The following LMAN1 variants were observed in gnomAD, a reference collection of about 807,000 sequenced individuals.
The protein encoded by LMAN1 is protein ERGIC-53.
In LMAN1, 32 loss-of-function variants were observed where a neutral mutation model predicts 67.8. That is an observed-to-expected ratio of 0.47 (90% CI 0.36 to 0.63). The LOEUF is 0.63. Ranked by LOEUF, LMAN1 falls within the 30% of genes least tolerant of loss-of-function variation. The pLI, the probability that LMAN1 is intolerant of heterozygous loss-of-function variation, is 0.00. For missense variants in LMAN1, 632 were observed against 628.2 expected (o/e 1.01, Z -0.06); for synonymous variants, 235 against 219.3 (o/e 1.07, Z -0.63).
At chr18:59,353,340 G>A (rs1908588457) in intron 4 of LMAN1, 39 bp from the exon 5 acceptor site, 1 of 1,396,656 alleles carries the variant, frequency 7.2e-7, no homozygotes, top group Admixed American at 1.7e-5. Context: ...AAGACACTCA[G>A]CTTTTCAATA....
rs190950830 is a variant in LMAN1 at position 59,329,922 on chromosome 18, A to G, written c.*1171T>C. The G allele has an allele frequency of 2.6e-5, 4 of 152,308 alleles. No homozygotes were observed. Among genetic ancestry groups the G allele is most frequent in the Admixed American group, 2.6e-4 (4 of 15,298 alleles). The allele number at this position is 152,308 out of a possible 1,614,324, so 9.4% of individuals were successfully genotyped here. On this transcript the variant is annotated 3_prime_UTR_variant, in exon 13 of 13. Transcript: ENST00000251047. Reference sequence around the variant, plus strand: ...GAACAGAATTAAATTTGCATCTTAAAATGTCATTTACAGACTGTTTCTGTA... The same window carrying G: ...GAACAGAATTAAATTTGCATCTTAAGATGTCATTTACAGACTGTTTCTGTA...
intron 7 of LMAN1, among the ~76,000 whole-genome samples, chr18:59,347,135 G>A (rs1282416040): frequency 1.3e-5 from 2 of 151,536 alleles, no homozygotes; most frequent in African/African-American, 4.8e-5. Context: ...GGAGGCTGAG[G>A]CAGGAGAAGT....
chr18:59,339,614 G>A (rs1443857264), intron 8 of LMAN1, among the ~76,000 whole-genome samples: 1 of 152,194 alleles, frequency 6.6e-6, no homozygotes. Flanking sequence ...ACAGGCATTT[G>A]AGCCTACAAC....
intron 8 of LMAN1, 112 bp downstream of exon 8, chr18:59,345,807 A>G (rs1908386952): frequency 3.3e-6 from 4 of 1,217,320 alleles, no homozygotes; most frequent in Non-Finnish European, 4.7e-6. Context: ...ATCACTTGGA[A>G]TGTGCCTGTT....
In LMAN1 at chr18:59,359,020, C is replaced by A; in HGVS notation, c.214+11G>T. ...GAGGAACCCGGCCCCCAGCCCTCTG[C>A]TCCGGCTTACTCCCCGCGTGGGCCC... is the stretch of plus-strand genomic sequence containing the variant. On this transcript the variant is annotated intron_variant, in intron 1 of 12. Transcript: ENST00000251047. The A allele has an allele frequency of 1.9e-6, 3 of 1,613,312 alleles. No homozygotes were observed. The highest frequency in any genetic ancestry group is 2.7e-5 in the African/African-American group (2 of 75,024).
chr18:59,357,506 ATCAT>A (rs1392659596), intron 1 of LMAN1, among the ~76,000 whole-genome samples: 3 of 152,218 alleles, frequency 2.0e-5, no homozygotes, highest in Non-Finnish European at 4.4e-5. Flanking sequence ...TGTGTTTGAT[ATCAT>A]TTGCATCACC....
In LMAN1 at chr18:59,329,863, T is replaced by C. The variant is rs2070736867; in HGVS notation, c.*1230A>G. On this transcript the variant is annotated 3_prime_UTR_variant, in exon 13 of 13. Transcript: ENST00000251047. The stretch of plus-strand genomic sequence containing the variant: ...TAGCTAAAAGAAGTAAAAGAGTATT[T>C]TGAAGGCAGCAAAAATCAGTATAAA... 1 of 152,176 alleles carries C rather than the reference T, an allele frequency of 6.6e-6. No individual in the cohort carries two copies. The highest frequency in any genetic ancestry group is 1.5e-5 in the Non-Finnish European group (1 of 68,004). 9.4% of individuals were successfully genotyped at this position (152,176 alleles called of 1,614,324 possible).
chr18:59,339,951 C>T (rs1258753301), intron 8 of LMAN1, among the ~76,000 whole-genome samples: 2 of 152,148 alleles, frequency 1.3e-5, no homozygotes, highest in African/African-American at 4.8e-5. Context: ...TAGCTACCAC[C>T]TGGCCAAGGA....
intron 10 of LMAN1, among the ~76,000 whole-genome samples, chr18:59,334,283 G>A (rs958723028): frequency 2.0e-5 from 3 of 152,178 alleles, no homozygotes; most frequent in Admixed American, 6.5e-5. Context: ...TCATTTGCCT[G>A]TTCATTCTGC....
In LMAN1 at chr18:59,333,093, T is replaced by C. The variant is rs1192457626; in HGVS notation, c.1372A>G (p.Met458Val). 4 of 1,612,228 alleles carry C rather than the reference T, an allele frequency of 2.5e-6. No individual in the cohort carries two copies. The highest frequency in any genetic ancestry group is 4.5e-5 in the East Asian group (2 of 44,856). Residue 458 changes from methionine (M) to valine (V), a missense_variant and splice_region_variant, in exon 11 of 13, where the codon ATG (methionine) becomes GTG (valine). Met to Val is a conservative substitution (Grantham distance 21). Coordinates refer to ENST00000251047, the MANE Select transcript of LMAN1 (RefSeq NM_005570.4). ...RDIDNLVQRN[M>V]PSNEKPKCPE... ...AAAGGAAAAGGAAACAAAGTTACCA[T>C]ATTTCGCTGCACTAAGTTATCTATG...
intron 4 of LMAN1, 68 bp from the exon 5 acceptor site, chr18:59,353,369 C>T (rs2144231159): frequency 9.0e-7 from 1 of 1,107,096 alleles, no homozygotes; most frequent in Non-Finnish European, 1.4e-6. Context: ...TTCAGGAAGA[C>T]TAAAATAATA....
chr18:59,353,085 T>A (rs922282086), intron 5 of LMAN1, 117 bp downstream of exon 5: 1 of 881,354 alleles, frequency 1.1e-6, no homozygotes, highest in Non-Finnish European at 1.9e-6. Flanking sequence ...AGAGTAACAA[T>A]GAAGAGTATG....
chr18:59,341,299 C>T (rs561655328), intron 8 of LMAN1, among the ~76,000 whole-genome samples: 30 of 152,028 alleles, frequency 2.0e-4, no homozygotes, highest in African/African-American at 5.8e-4. Flanking sequence ...CTAGATAGAT[C>T]GAGACAGAAA....
rs1366549516 is a variant in LMAN1 at position 59,328,697 on chromosome 18, C to A, written c.*2396G>T. The A allele has an allele frequency of 1.3e-5, 2 of 152,036 alleles. No homozygotes were observed. The highest frequency in any genetic ancestry group is 2.9e-5 in the Non-Finnish European group (2 of 68,002). 9.4% of individuals were successfully genotyped at this position (152,036 alleles called of 1,614,324 possible). On this transcript the variant is annotated 3_prime_UTR_variant, in exon 13 of 13. Coordinates refer to ENST00000251047, the MANE Select transcript of LMAN1 (RefSeq NM_005570.4). ...AGATTTGATTCAGGTTGTCTGAAAC[C>A]AGGCGCCATGACCCAGATGGTCCAT... is the stretch of plus-strand genomic sequence containing the variant.
At chr18:59,344,469 A>G (rs1003850932) in intron 8 of LMAN1, among the ~76,000 whole-genome samples, 3 of 152,272 alleles carry the variant, frequency 2.0e-5, no homozygotes, top group Admixed American at 6.5e-5. Context: ...ACTATAGACT[A>G]CTACTCAGCC....
intron 8 of LMAN1, among the ~76,000 whole-genome samples, 161 bp downstream of exon 8, chr18:59,345,758 C>CT (rs760524455): frequency 1.2e-4 from 19 of 152,138 alleles, no homozygotes; most frequent in Non-Finnish European, 2.4e-4. Context: ...TCTCTTGACT[C>CT]TTAAAGACTA....
At position 59,355,665 on chromosome 18, in the gene LMAN1, C is replaced by A. The variant is rs1365977499; in HGVS notation, c.215-7G>T. ...TCTGAACTTGGAATAGCATCTAGAA[C>A]AGAAATCAGGGGAAAAAAGCTTTAA... On this transcript the variant is annotated splice_region_variant and splice_polypyrimidine_tract_variant and intron_variant, in intron 1 of 12. Transcript: ENST00000251047. 3.1e-6 allele frequency: 5 copies of A among 1,612,856 alleles called. No individual in the cohort carries two copies. The highest frequency in any genetic ancestry group is 1.3e-5 in the African/African-American group (1 of 74,878).
At chr18:59,346,683 G>C (rs1256387795) in intron 7 of LMAN1, among the ~76,000 whole-genome samples, 1 of 151,156 alleles carries the variant, frequency 6.6e-6, no homozygotes, top group Non-Finnish European at 1.5e-5. Context: ...ACCACACCCA[G>C]CTATTTTTTG....
At position 59,355,498 on chromosome 18, in the gene LMAN1, T is replaced by A. The variant is rs757325936; in HGVS notation, c.369+6A>T. 6.2e-7 allele frequency: 1 copy of A among 1,613,988 alleles called. No individual in the cohort carries two copies. The highest frequency in any genetic ancestry group is 1.1e-5 in the South Asian group (1 of 91,082). On this transcript the variant is annotated splice_donor_region_variant and intron_variant, in intron 2 of 12. Coordinates refer to ENST00000251047, the MANE Select transcript of LMAN1 (RefSeq NM_005570.4). ...CACATTTTCTAAGTTAAAGAAATGA[T>A]CATACTAGGCCATCAGCTCCAATTC...
Sources: gnomAD v4.1 joint callset for allele counts (sites outside exome capture counted in the v4.1 genomes callset) on GRCh38, gnomAD v4.1.1 for gene constraint, MANE v1.5 for transcripts, NCBI Gene and HGNC (gene_info 2026-07-23, HGNC 2026-07-21) for gene names.